Variants in GLB1L2 observed in about 807,000 individuals in gnomAD.
GLB1L2 encodes the protein beta-galactosidase-1-like protein 2.
In GLB1L2, 68 loss-of-function variants were observed where a neutral mutation model predicts 84.1. That is an observed-to-expected ratio of 0.81 (90% CI 0.67 to 0.99). The LOEUF is 0.99. GLB1L2 is among the 50% of genes least tolerant of loss of function. GLB1L2 has a pLI of 0.00. For synonymous variants in GLB1L2, 290 were observed against 318.0 expected (o/e 0.91, Z 0.94); for missense variants, 762 against 805.6 (o/e 0.95, Z 0.66).
chr11:134,363,036 G>A (rs930436718), intron 7 of GLB1L2, among the ~76,000 whole-genome samples: 2 of 152,204 alleles, frequency 1.3e-5, no homozygotes, highest in Admixed American at 6.5e-5. Flanking sequence ...AGGAAGGACA[G>A]GACAGAGATG....
intron 1 of GLB1L2, among the ~76,000 whole-genome samples, chr11:134,333,383 G>C (rs1943333689): frequency 6.6e-6 from 1 of 152,202 alleles, no homozygotes; most frequent in African/African-American, 2.4e-5. Context: ...TTTCCTCCCT[G>C]TGCAAGGCTT....
rs1943351350 is a variant in GLB1L2, at chr11:134,334,496, T to C, written c.86+2349T>C. On this transcript the variant is annotated intron_variant, in intron 1 of 18. Coordinates refer to ENST00000535456, the MANE Select transcript of GLB1L2 (RefSeq NM_001370461.1). This position sits in a 1 kb window ranked among gnomAD's most constrained non-coding sequence, Gnocchi z 4.1. Reference sequence around the variant, plus strand: ...TTTTAAGCGTAAACAGTGGTCTTTCTTAAAAATTACCTTTATTGGAGTTTA... The same window carrying C: ...TTTTAAGCGTAAACAGTGGTCTTTCCTAAAAATTACCTTTATTGGAGTTTA... Among the ~76,000 whole-genome samples, 1 of 152,184 alleles carries C rather than the reference T, an allele frequency of 6.6e-6. No individual in the cohort carries two copies. The highest frequency in any genetic ancestry group is 1.5e-5 in the Non-Finnish European group (1 of 68,034).
chr11:134,335,611 G>A (rs1048842861), intron 1 of GLB1L2, among the ~76,000 whole-genome samples: 5 of 152,102 alleles, frequency 3.3e-5, no homozygotes, highest in African/African-American at 1.2e-4. Context: ...CCATAGTATT[G>A]GTATAGGTGT....
rs1943926629 is a variant in GLB1L2, at chr11:134,370,064, AC to A, written c.1108+180del. Reference sequence around the variant, plus strand: ...TTCCATCTTGCCGGCTTCACCTGTTACAGGTGTTAACGCTCCTTATCTCCTG... The same window carrying A: ...TTCCATCTTGCCGGCTTCACCTGTTAAGGTGTTAACGCTCCTTATCTCCTG... On this transcript the variant is annotated intron_variant, in intron 11 of 18. Transcript: ENST00000535456. The surrounding 1 kb of genome is among the most constrained non-coding windows in gnomAD (Gnocchi z 4.7). Among the ~76,000 whole-genome samples the A allele has an allele frequency of 6.6e-6, 1 of 152,014 alleles. No individual in the cohort carries two copies. Among genetic ancestry groups the A allele is most frequent in the African/African-American group, 2.4e-5 (1 of 41,406 alleles).
chr11:134,373,949 G>A, intron 16 of GLB1L2, 141 bp downstream of exon 16: 1 of 761,602 alleles, frequency 1.3e-6, no homozygotes, highest in South Asian at 1.7e-5. Flanking sequence ...GCCGAGGTGA[G>A]GGGTGGCACC....
chr11:134,369,464 G>T, intron 10 of GLB1L2, among the ~76,000 whole-genome samples: 1 of 143,972 alleles, frequency 6.9e-6, no homozygotes, highest in African/African-American at 3.0e-5. Flanking sequence ...CAAAGTGCTG[G>T]GATTACAGGT....
At chr11:134,363,149 G>C (rs894043673) in intron 7 of GLB1L2, among the ~76,000 whole-genome samples, 1 of 152,162 alleles carries the variant, frequency 6.6e-6, no homozygotes, top group African/African-American at 2.4e-5. Context: ...TGAGGGGAGG[G>C]GTCTGGGTGG....
intron 7 of GLB1L2, among the ~76,000 whole-genome samples, chr11:134,359,352 TCTC>T (rs1326648591): frequency 6.6e-6 from 1 of 152,158 alleles, no homozygotes. Context: ...GGGTGGCTGT[TCTC>T]CTGCCCTGCT....
chr11:134,367,425 G>A (rs1943880685), intron 9 of GLB1L2, 84 bp downstream of exon 9: 11 of 1,140,558 alleles, frequency 9.6e-6, no homozygotes, highest in Non-Finnish European at 1.4e-5. Context: ...ACTAATGTAA[G>A]CCATAGGGGG....
chr11:134,372,106 G>A (rs912816449), intron 15 of GLB1L2, among the ~76,000 whole-genome samples: 1 of 152,202 alleles, frequency 6.6e-6, no homozygotes, highest in Non-Finnish European at 1.5e-5. Flanking sequence ...GGCTGCAGTC[G>A]GTTTCTGCAA....
rs1419166275 is a variant in GLB1L2 at position 134,334,768 on chromosome 11, C to CT, written c.86+2626dup. ...AATTGTAATCTTAAAGCATGTTTTC[C>CT]TTTTTGGTCTGGCTTCTTTCACTCA... On this transcript the variant is annotated intron_variant, in intron 1 of 18. Coordinates refer to ENST00000535456, the MANE Select transcript of GLB1L2 (RefSeq NM_001370461.1). The surrounding 1 kb of genome is among the most constrained non-coding windows in gnomAD (Gnocchi z 4.1). 6.6e-6 allele frequency among the ~76,000 whole-genome samples: 1 copy of CT among 152,068 alleles called. No homozygotes were observed. Among genetic ancestry groups the CT allele is most frequent in the Non-Finnish European group, 1.5e-5 (1 of 68,018 alleles).
In GLB1L2 at chr11:134,374,037, C is replaced by CG. The variant is rs140561812; in HGVS notation, c.1596-102dup. On this transcript the variant is annotated intron_variant, in intron 16 of 18. Coordinates refer to ENST00000535456, the MANE Select transcript of GLB1L2 (RefSeq NM_001370461.1). ...GCCATTCTGTGTCCTGGTTAAGAGG[C>CG]GGGGGGCCTTGGATGGGGAAACGGT... 3.3e-3 allele frequency: 2,781 copies of CG among 844,786 alleles called. 42 individuals carry two copies. In the African/African-American group the frequency reaches 0.039, roughly 12 times the overall value. 52.3% of individuals were successfully genotyped at this position (844,786 alleles called of 1,614,324 possible). A position where few individuals can be genotyped will look rare whatever the true frequency, so the allele number is the denominator to read the frequency against.
chr11:134,344,758 AG>A (rs1487302279), intron 3 of GLB1L2, among the ~76,000 whole-genome samples: 8 of 152,328 alleles, frequency 5.3e-5, no homozygotes, highest in African/African-American at 1.9e-4. Flanking sequence ...CGGCCCCTCT[AG>A]GCTAGCAAGG....
At chr11:134,347,584 T>C (rs1943570259) in intron 5 of GLB1L2, 151 bp downstream of exon 5, 2 of 630,216 alleles carry the variant, frequency 3.2e-6, no homozygotes, top group Admixed American at 5.1e-5. Flanking sequence ...CTGAGGGGCT[T>C]GCAAGAGTTG....
chr11:134,371,726 C>CATCG, intron 14 of GLB1L2, 26 bp from the exon 15 acceptor site: 1 of 1,611,814 alleles, frequency 6.2e-7, no homozygotes, highest in South Asian at 1.1e-5. Flanking sequence ...TTCTGACAGT[C>CATCG]ATCGTTAGCC....
Position 134,342,079 on chromosome 11 carries a change from GGT to G in GLB1L2, c.87-673_87-672del, listed in dbSNP as rs528575060. 3.5e-4 allele frequency among the ~76,000 whole-genome samples: 53 copies of G among 152,150 alleles called. 1 individual carries two copies. The South Asian group carries it at 1.0e-2, about 29-fold the overall frequency. On this transcript the variant is annotated intron_variant, in intron 1 of 18. Coordinates refer to ENST00000535456, the MANE Select transcript of GLB1L2 (RefSeq NM_001370461.1). ...TTCTCGCACGGCTTTCGGGAGACAG[GGT>G]GGGAAGGAGACCCACCCGGCAGCAC...
At chr11:134,345,384 C>T (rs1162415550) in intron 4 of GLB1L2, among the ~76,000 whole-genome samples, 1 of 152,240 alleles carries the variant, frequency 6.6e-6, no homozygotes, top group Non-Finnish European at 1.5e-5. Flanking sequence ...CCTGGCATCT[C>T]ATGCTTCAGG....
Position 134,371,161 on chromosome 11 carries a change from C to T in GLB1L2, c.1356+13C>T. 1 of 1,613,888 alleles carries T rather than the reference C, an allele frequency of 6.2e-7. No individual in the cohort carries two copies. Among genetic ancestry groups the T allele is most frequent in the South Asian group, 1.1e-5 (1 of 91,022 alleles). ...TGATCGGGGGCAGGTAGGAGCTTCT[C>T]TTCTAAATTCCTGTGACCTTCTGGT... On this transcript the variant is annotated intron_variant, in intron 13 of 18. Transcript: ENST00000535456.
Position 134,374,355 on chromosome 11 carries a change from T to C in GLB1L2, c.1707+99T>C, listed in dbSNP as rs534479865. The C allele has an allele frequency of 3.3e-5, 34 of 1,038,728 alleles. No individual in the cohort carries two copies. The East Asian group carries it at 5.5e-4, about 17-fold the overall frequency. 64.3% of individuals were successfully genotyped at this position (1,038,728 alleles called of 1,614,324 possible). ...GAGCTTGGCGAGAGTCGTTGGTGGCTTCTGTGCCCAGAGGGTCTGAGAGGG... is the reference window on the plus strand; with the variant it reads ...GAGCTTGGCGAGAGTCGTTGGTGGCCTCTGTGCCCAGAGGGTCTGAGAGGG... On this transcript the variant is annotated intron_variant, in intron 17 of 18. Transcript: ENST00000535456.
Sources: allele counts gnomAD v4.1 joint callset (sites outside exome capture counted in the v4.1 genomes callset), GRCh38; gene constraint gnomAD v4.1.1; non-coding constraint Gnocchi (gnomAD v3.1); transcripts MANE v1.5; gene names NCBI Gene and HGNC (gene_info 2026-07-23, HGNC 2026-07-21).